CDCA2: variants seen among roughly 807,000 people sequenced by gnomAD.
The protein encoded by CDCA2 is cell division cycle-associated protein 2.
A neutral mutation model predicts 67.0 loss-of-function variants in CDCA2; 44 were observed. The observed-to-expected ratio is 0.66, with a 90% confidence interval of 0.52 to 0.84. CDCA2 has a LOEUF of 0.84. Among genes scored for constraint, CDCA2 ranks in the 40% least tolerant of loss-of-function variants. The probability of loss-of-function intolerance (pLI) is 0.00; values close to 1 mark genes in which losing one functional copy is unlikely to be tolerated. For missense variants in CDCA2, 1,253 were observed against 1,203.2 expected, an observed-to-expected ratio of 1.04 and a Z score of -0.61; for synonymous variants, 447 against 418.7, an observed-to-expected ratio of 1.07 and a Z score of -0.82.
At chr8:25,495,321 C>T (rs1441344877) in intron 13 of CDCA2, among the ~76,000 whole-genome samples, 6 of 152,004 alleles carry the variant, frequency 3.9e-5, no homozygotes, top group South Asian at 2.1e-4. Flanking sequence ...CTCTAATAAG[C>T]GAAAGCAAAA....
At chr8:25,470,699 A>G (rs1004954793) in intron 7 of CDCA2, among the ~76,000 whole-genome samples, 1 of 151,454 alleles carries the variant, frequency 6.6e-6, no homozygotes, top group Admixed American at 6.6e-5. Flanking sequence ...ACAGATACAC[A>G]CTTACTTCAT....
intron 10 of CDCA2, among the ~76,000 whole-genome samples, chr8:25,485,419 C>T (rs1040513767): frequency 2.6e-5 from 4 of 151,762 alleles, no homozygotes; most frequent in South Asian, 2.1e-4. Context: ...AACATTATAA[C>T]GTTAGATTGT....
intron 11 of CDCA2, among the ~76,000 whole-genome samples, chr8:25,486,477 C>T (rs1301684616): frequency 2.0e-5 from 3 of 152,112 alleles, no homozygotes; most frequent in Non-Finnish European, 4.4e-5. Context: ...AAGGCCATAC[C>T]CTTAAACATA....
intron 8 of CDCA2, 75 bp from the exon 9 acceptor site, chr8:25,483,324 A>C (rs1166178680): frequency 1.1e-6 from 1 of 909,114 alleles, no homozygotes; most frequent in Non-Finnish European, 1.6e-6. Flanking sequence ...AGAGAATTTC[A>C]AAACTGCTGT....
Position 25,488,634 on chromosome 8 carries a change from G to C in CDCA2, c.1616G>C (p.Arg539Thr). 1 of 1,612,872 alleles carries C rather than the reference G, an allele frequency of 6.2e-7. No homozygotes were observed. The highest frequency in any genetic ancestry group is 8.5e-7 in the Non-Finnish European group (1 of 1,179,598). Residue 539 changes from arginine to threonine, a missense_variant, in exon 13 of 15, where the codon AGG becomes ACG. Transcript: ENST00000330560. ...CCTTGTAAAGAAAAGAAAATTAATAGGAGGAAGTCTCAAGAAACAAAGTGT... is the reference window on the plus strand; with the variant it reads ...CCTTGTAAAGAAAAGAAAATTAATACGAGGAAGTCTCAAGAAACAAAGTGT... ...VQPCKEKKIN[R>T]RKSQETKCTK...
intron 8 of CDCA2, 59 bp from the exon 9 acceptor site, chr8:25,483,337 TTAA>T: frequency 2.8e-6 from 3 of 1,087,438 alleles, no homozygotes; most frequent in Non-Finnish European, 2.6e-6. Context: ...ACTGCTGTTC[TTAA>T]TGATGACGTC....
intron 13 of CDCA2, among the ~76,000 whole-genome samples, chr8:25,494,446 A>G (rs1804130544): frequency 6.6e-6 from 1 of 152,234 alleles, no homozygotes. Flanking sequence ...GCTTTAAAGC[A>G]TAGTTATTAT....
intron 3 of CDCA2, among the ~76,000 whole-genome samples, chr8:25,461,363 T>G (rs1203895509): frequency 6.6e-6 from 1 of 151,758 alleles, no homozygotes; most frequent in Admixed American, 6.6e-5. Context: ...GAAGTCTGAC[T>G]TAGATGGAAA....
At position 25,485,828 on chromosome 8, in the gene CDCA2, A is replaced by T. The variant is rs1348549117; in HGVS notation, c.1435A>T (p.Thr479Ser). ...TCCTAATAAATCATCAATCTCTGAGACCCTTTCAGGTAGTAACTTGTTTAT... is the reference window on the plus strand; with the variant it reads ...TCCTAATAAATCATCAATCTCTGAGTCCCTTTCAGGTAGTAACTTGTTTAT... ...SSPNKSSISETLSGTDTFSSS... is the reference protein window; with the variant it reads ...SSPNKSSISESLSGTDTFSSS... The change falls in exon 11 of 15, where the codon ACC becomes TCC. Residue 479 changes from threonine to serine, a missense_variant. Coordinates refer to ENST00000330560, the MANE Select transcript of CDCA2 (RefSeq NM_152562.4). 1 of 1,584,974 alleles carries T rather than the reference A, an allele frequency of 6.3e-7. No individual in the cohort carries two copies. The highest frequency in any genetic ancestry group is 2.2e-5 in the East Asian group (1 of 44,510).
At chr8:25,468,558 C>CGTGTGTGTGCGT in intron 6 of CDCA2, 145 bp downstream of exon 6, 1 of 270,018 alleles carries the variant, frequency 3.7e-6, no homozygotes, top group Non-Finnish European at 6.1e-6. Context: ...TGTGTGTGTG[C>CGTGTGTGTGCGT]GTGTGTGTGT....
chr8:25,473,556 T>C (rs1033706620), intron 7 of CDCA2, among the ~76,000 whole-genome samples: 4 of 152,156 alleles, frequency 2.6e-5, no homozygotes, highest in African/African-American at 9.7e-5. Flanking sequence ...TTTTTCTATC[T>C]ATATAATTAA....
intron 13 of CDCA2, among the ~76,000 whole-genome samples, chr8:25,501,248 C>T (rs777607034): frequency 1.3e-5 from 2 of 152,246 alleles, no homozygotes; most frequent in African/African-American, 2.4e-5. Context: ...ATTATTTTTC[C>T]GTGGAATGTT....
At chr8:25,461,726 A>C (rs115021380) in intron 3 of CDCA2, among the ~76,000 whole-genome samples, 1 of 152,350 alleles carries the variant, frequency 6.6e-6, no homozygotes, top group East Asian at 1.9e-4. Flanking sequence ...AAAAAGAAAA[A>C]TACTGAGTCA....
At chr8:25,501,773 C>T (rs1804486577) in intron 13 of CDCA2, among the ~76,000 whole-genome samples, 1 of 152,218 alleles carries the variant, frequency 6.6e-6, no homozygotes, top group Admixed American at 6.5e-5. Context: ...ACACCAGCAG[C>T]TCCTTGAAGA....
At chr8:25,499,572 G>A (rs1804390205) in intron 13 of CDCA2, among the ~76,000 whole-genome samples, 1 of 151,608 alleles carries the variant, frequency 6.6e-6, no homozygotes, top group Non-Finnish European at 1.5e-5. Flanking sequence ...CCAAAGTGTT[G>A]GGATTAAGGG....
At chr8:25,476,000 A>G (rs11777745) in intron 7 of CDCA2, among the ~76,000 whole-genome samples, 53,429 of 152,070 alleles carry the variant, frequency 0.35, 9,413 homozygotes, top group South Asian at 0.37. Context: ...CTGTGGGTCC[A>G]GGGGAATTCT....
At chr8:25,481,168 C>T (rs1462690031) in intron 8 of CDCA2, among the ~76,000 whole-genome samples, 2 of 151,440 alleles carry the variant, frequency 1.3e-5, no homozygotes, top group African/African-American at 4.9e-5. Context: ...ACCTGTAATC[C>T]CCTGACTTTG....
chr8:25,494,302 T>C (rs1408930698), intron 13 of CDCA2, among the ~76,000 whole-genome samples: 1 of 151,874 alleles, frequency 6.6e-6, no homozygotes, highest in Non-Finnish European at 1.5e-5. Context: ...TGTATTTTCT[T>C]AATATATTAC....
intron 8 of CDCA2, among the ~76,000 whole-genome samples, chr8:25,481,114 A>G (rs1803550428): frequency 6.6e-6 from 1 of 151,656 alleles, no homozygotes; most frequent in African/African-American, 2.4e-5. Flanking sequence ...AGCTTTAACA[A>G]TTTTGTTCAA....
Sources: gnomAD v4.1 joint callset for allele counts (sites outside exome capture counted in the v4.1 genomes callset) on GRCh38, gnomAD v4.1.1 for gene constraint, MANE v1.5 for transcripts, NCBI Gene and HGNC (gene_info 2026-07-23, HGNC 2026-07-21) for gene names.